NUP205: variants seen among roughly 807,000 people sequenced by gnomAD.
NUP205 encodes the protein nucleoporin 205.
NUP205 carries 76 observed loss-of-function variants against 253.8 expected under a neutral mutation model. That is an observed-to-expected ratio of 0.30 (90% CI 0.25 to 0.36). NUP205 has a LOEUF of 0.36. NUP205 is among the 10% of genes least tolerant of loss of function. The pLI, the probability that NUP205 is intolerant of heterozygous loss-of-function variation, is 1.00. For synonymous variants in NUP205, 832 were observed against 850.1 expected (o/e 0.98, Z 0.37); for missense variants, 2,162 against 2,425.5 (o/e 0.89, Z 2.28).
chr7:135,604,756 T>G (rs1563124894), intron 19 of NUP205, among the ~76,000 whole-genome samples: 1 of 152,224 alleles, frequency 6.6e-6, no homozygotes, highest in Non-Finnish European at 1.5e-5. Context: ...TGCTGTTAAC[T>G]TGTTTGTTTA....
chr7:135,629,520 TCTGTCTCTC>T (rs1794664394), intron 34 of NUP205, among the ~76,000 whole-genome samples: 2 of 140,744 alleles, frequency 1.4e-5, no homozygotes, highest in African/African-American at 2.6e-5. Flanking sequence ...TGTCTCTCTC[TCTGTCTCTC>T]TTTTTTTTTT....
Position 135,643,241 on chromosome 7 carries a change from T to C in NUP205, c.5442T>C (p.Ile1814=). The C allele has an allele frequency of 6.2e-7, 1 of 1,614,106 alleles. No individual in the cohort carries two copies. The highest frequency in any genetic ancestry group is 1.1e-5 in the South Asian group (1 of 91,080). The stretch of plus-strand genomic sequence containing the variant: ...ACTGGCGCCTGCCTGGTTTAGGCAT[T>C]ATCATCTACCTGCTGAAACAGAGTG... ...VPYWRLPGLG[I]IIYLLKQSAN... Residue 1814 remains isoleucine (I), a synonymous_variant, in exon 39 of 43, where the codon ATT becomes ATC. Transcript: ENST00000285968.
chr7:135,625,108 G>A, intron 31 of NUP205, 56 bp from the exon 32 acceptor site: 1 of 1,311,684 alleles, frequency 7.6e-7, no homozygotes, highest in East Asian at 2.4e-5. Flanking sequence ...TTCAGTTACT[G>A]TTGTTGATTT....
intron 22 of NUP205, among the ~76,000 whole-genome samples, chr7:135,607,829 G>A (rs1047178349): frequency 1.3e-5 from 2 of 151,698 alleles, no homozygotes; most frequent in African/African-American, 4.8e-5. Context: ...TTTAAGAAGG[G>A]GTCTCACTGT....
chr7:135,606,651 A>C, intron 20 of NUP205, 100 bp from the exon 21 acceptor site: 2 of 874,398 alleles, frequency 2.3e-6, no homozygotes, highest in Non-Finnish European at 3.6e-6. Context: ...CAAACGATCT[A>C]AAGAAAACAT....
Position 135,616,658 on chromosome 7 carries a change from G to A in NUP205, c.3464G>A (p.Gly1155Asp). 6.5e-7 allele frequency: 1 copy of A among 1,545,932 alleles called. No homozygotes were observed. The highest frequency in any genetic ancestry group is 8.7e-7 in the Non-Finnish European group (1 of 1,147,716). Reference sequence around the variant, plus strand: ...AATATTATTGATATTCCAACAGATGGTGAAGGAGGAATAGAAGATGAAAAC... The same window carrying A: ...AATATTATTGATATTCCAACAGATGATGAAGGAGGAATAGAAGATGAAAAC... ...DDMPVKPYSD[G>D]EGGIEDENRS... is the part of the protein sequence containing the mutation. Residue 1155 changes from glycine to aspartate, a missense_variant, in exon 25 of 43, where the codon GGT (glycine) becomes GAT (aspartate). Transcript: ENST00000285968.
intron 2 of NUP205, among the ~76,000 whole-genome samples, chr7:135,572,324 G>A (rs531027814): frequency 2.0e-5 from 3 of 152,198 alleles, no homozygotes; most frequent in African/African-American, 4.8e-5. Context: ...CCTCTAGTTA[G>A]TAATACATCT....
At chr7:135,574,860 T>C (rs1806108845) in intron 3 of NUP205, among the ~76,000 whole-genome samples, 1 of 152,200 alleles carries the variant, frequency 6.6e-6, no homozygotes, top group African/African-American at 2.4e-5. Flanking sequence ...AATATGGGCA[T>C]GTTAGTTGAA....
intron 42 of NUP205, among the ~76,000 whole-genome samples, 167 bp downstream of exon 42, chr7:135,646,398 TA>T (rs1166545777): frequency 3.2e-4 from 48 of 147,730 alleles, no homozygotes; most frequent in Non-Finnish European, 1.5e-4. Context: ...CCCCGTCTCT[TA>T]AAAAAAAAAA....
At chr7:135,620,033 T>C (rs1794444462) in intron 30 of NUP205, 145 bp downstream of exon 30, 1 of 632,582 alleles carries the variant, frequency 1.6e-6, no homozygotes, top group Admixed American at 2.9e-5. Context: ...TACTCAAAAG[T>C]TGAGGAAGAA....
chr7:135,570,849 ATATAT>A (rs1219592009), intron 1 of NUP205, among the ~76,000 whole-genome samples: 25 of 54,664 alleles, frequency 4.6e-4, no homozygotes, highest in African/African-American at 1.5e-3. Context: ...TATATATTAC[ATATAT>A]TATATATAAA....
At chr7:135,601,608 CTG>C in intron 17 of NUP205, 101 bp downstream of exon 17, 2 of 1,246,958 alleles carry the variant, frequency 1.6e-6, no homozygotes, top group Non-Finnish European at 2.2e-6. Context: ...TCATTTTTCA[CTG>C]TAAGATTCTC....
rs780475785 is a variant in NUP205 at position 135,600,978 on chromosome 7, A to G, written c.2374+9A>G. On this transcript the variant is annotated intron_variant, in intron 16 of 42. Transcript: ENST00000285968. ...GTTTGTGGAACTACAAGGTAATTTAATTCTGTCACTTTCAAACAAGTTGTC... is the reference window on the plus strand; with the variant it reads ...GTTTGTGGAACTACAAGGTAATTTAGTTCTGTCACTTTCAAACAAGTTGTC... 4 of 1,472,564 alleles carry G rather than the reference A, an allele frequency of 2.7e-6. No individual in the cohort carries two copies. The highest frequency in any genetic ancestry group is 4.6e-5 in the East Asian group (2 of 43,824). The allele number at this position is 1,472,564 out of a possible 1,614,324, so 91.2% of individuals were successfully genotyped here.
chr7:135,585,157 G>T, intron 8 of NUP205, 150 bp downstream of exon 8: 1 of 594,886 alleles, frequency 1.7e-6, no homozygotes, highest in Non-Finnish European at 2.9e-6. Context: ...TTGTGAATCA[G>T]TTTGTGACTC....
intron 32 of NUP205, 115 bp from the exon 33 acceptor site, chr7:135,626,125 A>G (rs1053659433): frequency 3.1e-6 from 4 of 1,277,794 alleles, no homozygotes; most frequent in African/African-American, 1.5e-5. Flanking sequence ...ACTAGCCCAG[A>G]TTTCTCTTCA....
chr7:135,643,871 T>C (rs570720954), intron 39 of NUP205, among the ~76,000 whole-genome samples: 1 of 152,344 alleles, frequency 6.6e-6, no homozygotes, highest in Admixed American at 6.5e-5. Flanking sequence ...CTTTTCCATT[T>C]GGCACAGCTG....
intron 15 of NUP205, among the ~76,000 whole-genome samples, chr7:135,599,137 A>G (rs573817853): frequency 6.6e-6 from 1 of 152,296 alleles, no homozygotes; most frequent in African/African-American, 2.4e-5. Context: ...ATGCCTGTAG[A>G]CTTAATTAAC....
intron 34 of NUP205, among the ~76,000 whole-genome samples, chr7:135,628,968 T>C (rs1407850206): frequency 6.6e-6 from 1 of 152,176 alleles, no homozygotes; most frequent in African/African-American, 2.4e-5. Context: ...TCCCCTAGAT[T>C]GAGATTAAGA....
intron 22 of NUP205, among the ~76,000 whole-genome samples, chr7:135,610,730 A>G (rs1794210076): frequency 6.6e-6 from 1 of 152,216 alleles, no homozygotes; most frequent in Middle Eastern, 3.2e-3. Flanking sequence ...GCTTCAGAAA[A>G]AAATTTAAAC....
Sources: allele counts gnomAD v4.1 joint callset (sites outside exome capture counted in the v4.1 genomes callset), GRCh38; gene constraint gnomAD v4.1.1; transcripts MANE v1.5; gene names NCBI Gene and HGNC (gene_info 2026-07-23, HGNC 2026-07-21).